FRMPD4: variants seen among roughly 807,000 people sequenced by gnomAD.
FRMPD4 encodes the protein FERM and PDZ domain containing 4.
Under a neutral mutation model 94.1 loss-of-function variants are expected in FRMPD4, and 22 were observed. The ratio of observed to expected loss-of-function variants is 0.23; its 90% CI spans 0.17 to 0.33. The LOEUF is 0.33. Ranked by LOEUF, FRMPD4 falls within the 10% of genes least tolerant of loss-of-function variation. The probability of loss-of-function intolerance (pLI) is 1.00; values close to 1 mark genes in which losing one functional copy is unlikely to be tolerated. For synonymous variants in FRMPD4, 631 were observed against 548.6 expected (o/e 1.15, Z -2.10); for missense variants, 1,111 against 1,339.9 (o/e 0.83, Z 2.67).
intron 1 of FRMPD4, among the ~76,000 whole-genome samples, chrX:12,199,255 GTGTGTGTGTGTGTGTA>G (rs1289691374): frequency 2.1e-4 from 21 of 101,626 alleles, no homozygotes; most frequent in South Asian, 9.4e-4. Flanking sequence ...GTGTGTGTGT[GTGTGTGTGTGTGTGTA>G]TGTGTGTGTG....
chrX:12,524,159 A>G (rs1474793020), intron 2 of FRMPD4, among the ~76,000 whole-genome samples: 1 of 110,229 alleles, frequency 9.1e-6, no homozygotes, highest in Non-Finnish European at 1.9e-5. Flanking sequence ...TGTCACGATA[A>G]TAACAAAAGA....
At chrX:11,997,491 ATC>A (rs1336869166) in intron 3 of FRMPD4, among the ~76,000 whole-genome samples, 1 of 111,520 alleles carries the variant, frequency 9.0e-6, no homozygotes, top group African/African-American at 3.3e-5. Flanking sequence ...GCATTTACTT[ATC>A]TTGCTTATAA....
chrX:12,649,629 C>T (rs571732349), intron 4 of FRMPD4, among the ~76,000 whole-genome samples: 35 of 112,244 alleles, frequency 3.1e-4, no homozygotes, highest in Middle Eastern at 9.3e-3. Flanking sequence ...GCCTGTGTAT[C>T]TTCATCTCTA....
At chrX:12,329,287 T>C (rs1303648796) in intron 1 of FRMPD4, among the ~76,000 whole-genome samples, 4 of 111,594 alleles carry the variant, frequency 3.6e-5, no homozygotes, top group African/African-American at 6.5e-5. Flanking sequence ...AGAGAATTTC[T>C]TTATGGCCAG....
At chrX:12,441,309 A>C (rs2057133902) in intron 1 of FRMPD4, among the ~76,000 whole-genome samples, 1 of 112,494 alleles carries the variant, frequency 8.9e-6, no homozygotes, top group Non-Finnish European at 1.9e-5. Context: ...AAACCCTCTA[A>C]TTTGGAGGAA....
chrX:12,708,305 A>C (rs2041916405), intron 13 of FRMPD4, among the ~76,000 whole-genome samples: 1 of 109,998 alleles, frequency 9.1e-6, no homozygotes, highest in African/African-American at 3.3e-5. Flanking sequence ...CCCCATCTCT[A>C]CTAAAAATAC....
At chrX:12,677,722 T>C (rs764692089) in intron 5 of FRMPD4, among the ~76,000 whole-genome samples, 1 of 111,929 alleles carries the variant, frequency 8.9e-6, no homozygotes, top group East Asian at 2.8e-4. Flanking sequence ...GTTTATACCT[T>C]CCGGCCACAT....
intron 3 of FRMPD4, among the ~76,000 whole-genome samples, chrX:11,985,693 T>G (rs5935215): frequency 0.15 from 16,342 of 110,898 alleles, 1,275 homozygotes; most frequent in African/African-American, 0.28. Context: ...AGGCCTGACA[T>G]TATTAACTAC....
chrX:12,573,058 G>A (rs867019485), intron 2 of FRMPD4, among the ~76,000 whole-genome samples: 6 of 112,112 alleles, frequency 5.4e-5, no homozygotes, highest in Non-Finnish European at 9.4e-5. Flanking sequence ...TCATCATAGC[G>A]ACTCTTATGT....
intron 1 of FRMPD4, among the ~76,000 whole-genome samples, chrX:12,214,724 A>G (rs2056787553): frequency 1.8e-5 from 2 of 112,462 alleles, no homozygotes. Context: ...GTGTACAGCA[A>G]TAAGCATCTC....
intron 4 of FRMPD4, 130 bp downstream of exon 4, chrX:12,615,011 T>C (rs2059222479): frequency 2.8e-6 from 1 of 356,752 alleles, no homozygotes; most frequent in Admixed American, 4.9e-5. Context: ...CACATACACA[T>C]GGTTGAAAAT....
At chrX:12,081,864 A>AT (rs1286881121) in intron 3 of FRMPD4, among the ~76,000 whole-genome samples, 1 of 111,207 alleles carries the variant, frequency 9.0e-6, no homozygotes, top group Non-Finnish European at 1.9e-5. Flanking sequence ...CACCATAAAT[A>AT]TTTTTCCCCT....
At chrX:12,277,673 C>T (rs943736711) in intron 1 of FRMPD4, among the ~76,000 whole-genome samples, 1 of 111,750 alleles carries the variant, frequency 8.9e-6, no homozygotes, top group Non-Finnish European at 1.9e-5. Flanking sequence ...CTGCTGTTTT[C>T]GAGTGCCTTT....
chrX:12,010,289 C>A (rs983993969), intron 3 of FRMPD4, among the ~76,000 whole-genome samples: 1 of 111,699 alleles, frequency 9.0e-6, no homozygotes, highest in African/African-American at 3.2e-5. Flanking sequence ...TAAATATGTG[C>A]AAATAGAAGA....
At chrX:12,092,511 G>A in intron 3 of FRMPD4, among the ~76,000 whole-genome samples, 1 of 111,449 alleles carries the variant, frequency 9.0e-6, no homozygotes, top group Non-Finnish European at 1.9e-5. Flanking sequence ...TGTCCTGAAA[G>A]GAAGTAACCA....
At chrX:12,018,225 T>C (rs1256152620) in intron 3 of FRMPD4, among the ~76,000 whole-genome samples, 1 of 110,533 alleles carries the variant, frequency 9.0e-6, no homozygotes, top group Non-Finnish European at 1.9e-5. Flanking sequence ...ATGCTTTCTC[T>C]GAAGAATCGA....
chrX:12,021,177 T>C (rs1164168590), intron 3 of FRMPD4, among the ~76,000 whole-genome samples: 2 of 112,127 alleles, frequency 1.8e-5, no homozygotes, highest in Non-Finnish European at 3.8e-5. Flanking sequence ...GAGTCTGTTT[T>C]TTCTAGCCTC....
At chrX:12,163,879 G>A (rs188442391) in intron 1 of FRMPD4, among the ~76,000 whole-genome samples, 97 of 111,851 alleles carry the variant, frequency 8.7e-4, no homozygotes, top group African/African-American at 3.0e-3. Flanking sequence ...ATTATCAGGG[G>A]TCCCAACGTT....
At chrX:12,403,666 T>G (rs12010228) in intron 1 of FRMPD4, among the ~76,000 whole-genome samples, 5,482 of 111,321 alleles carry the variant, frequency 0.049, 338 homozygotes, top group African/African-American at 0.17. Flanking sequence ...TGGTTCTCAG[T>G]AAATACCTGT....
Sources: gnomAD v4.1 joint callset for allele counts (sites outside exome capture counted in the v4.1 genomes callset) on GRCh38, gnomAD v4.1.1 for gene constraint, MANE v1.5 for transcripts, NCBI Gene and HGNC (gene_info 2026-07-23, HGNC 2026-07-21) for gene names.